The following IMPG1 variants were observed in gnomAD, a reference collection of about 807,000 sequenced individuals.
IMPG1 encodes interphotoreceptor matrix proteoglycan 1.
In IMPG1, 85 loss-of-function variants were observed where a neutral mutation model predicts 92.0. The ratio of observed to expected loss-of-function variants is 0.92; its 90% CI spans 0.78 to 1.11. IMPG1 has a LOEUF of 1.11. IMPG1 is among the 50% of genes least tolerant of loss of function. IMPG1 has a pLI of 0.00. For synonymous variants in IMPG1, 367 were observed against 334.1 expected (o/e 1.10, Z -1.08); for missense variants, 1,022 against 956.0 (o/e 1.07, Z -0.91).
At chr6:75,931,282 C>G in intron 14 of IMPG1, 131 bp from the exon 15 acceptor site, 1 of 749,118 alleles carries the variant, frequency 1.3e-6, no homozygotes, top group Non-Finnish European at 2.2e-6. Flanking sequence ...GTTGTGATAT[C>G]AGACTGGAGG....
chr6:75,947,502 C>A lies in IMPG1; in HGVS notation c.1856G>T (p.Gly619Val), dbSNP rs1781948426. ...GTTAAGTATTTCAAGTTGCTTAAAT[C>A]CTGTAAGATTGGATCGTAGATATGG... is the stretch of plus-strand genomic sequence containing the variant. ...LVPYLRSNLT[G>V]FKQLEILNFR... The change falls in exon 14 of 17, where the codon GGA (glycine) becomes GTA (valine). Residue 619 changes from glycine (G) to valine (V), a missense_variant. Gly to Val is a moderately radical substitution (Grantham distance 109). Transcript: ENST00000369950. 1 of 1,613,534 alleles carries A rather than the reference C, an allele frequency of 6.2e-7. No individual in the cohort carries two copies. Among genetic ancestry groups the A allele is most frequent in the African/African-American group, 1.3e-5 (1 of 74,872 alleles).
chr6:75,944,475 A>G (rs1375809822), intron 14 of IMPG1, among the ~76,000 whole-genome samples: 1 of 152,224 alleles, frequency 6.6e-6, no homozygotes, highest in Non-Finnish European at 1.5e-5. Context: ...AAACACTTTG[A>G]TTGAACCATC....
rs917583179 is a variant in IMPG1, at chr6:76,031,291, A to G, written c.497+3024T>C. 3.3e-5 allele frequency among the ~76,000 whole-genome samples: 5 copies of G among 152,256 alleles called. No individual in the cohort carries two copies. In the South Asian group the frequency reaches 6.2e-4, roughly 19 times the overall value. On this transcript the variant is annotated intron_variant, in intron 4 of 16. Coordinates refer to ENST00000369950, the MANE Select transcript of IMPG1 (RefSeq NM_001563.4). ...TATTTGATCTAATTTTCTGTGGCTC[A>G]TGATGATGGGAAGGCCAAGGGTAAT... is the stretch of plus-strand genomic sequence containing the variant.
intron 1 of IMPG1, among the ~76,000 whole-genome samples, chr6:76,054,349 A>G (rs1342282418): frequency 6.6e-6 from 1 of 152,068 alleles, no homozygotes; most frequent in Non-Finnish European, 1.5e-5. Context: ...AAAATATAGG[A>G]CCAAGTCAAA....
intron 14 of IMPG1, among the ~76,000 whole-genome samples, chr6:75,936,715 A>G (rs1345691499): frequency 6.6e-6 from 1 of 152,198 alleles, no homozygotes; most frequent in Non-Finnish European, 1.5e-5. Flanking sequence ...GCTTTCAGCC[A>G]TTATTATTAT....
intron 4 of IMPG1, among the ~76,000 whole-genome samples, chr6:76,027,676 G>A (rs1314177847): frequency 2.6e-5 from 4 of 152,122 alleles, no homozygotes; most frequent in African/African-American, 9.7e-5. Flanking sequence ...TTCAAAAAAA[G>A]GTATTATATG....
chr6:75,934,978 T>G (rs1196367014), intron 14 of IMPG1: 1 of 471,340 alleles, frequency 2.1e-6, no homozygotes, highest in African/African-American at 2.0e-5. Flanking sequence ...AAGGGCAAGG[T>G]TTCAGCTCAG....
chr6:76,015,777 G>A (rs1783274870), intron 7 of IMPG1, among the ~76,000 whole-genome samples: 1 of 126,082 alleles, frequency 7.9e-6, no homozygotes, highest in Non-Finnish European at 1.6e-5. Context: ...TCCAGCCTGG[G>A]CAACAAGAGT....
chr6:75,931,993 C>G (rs1781676151), intron 14 of IMPG1, among the ~76,000 whole-genome samples: 1 of 152,234 alleles, frequency 6.6e-6, no homozygotes, highest in African/African-American at 2.4e-5. Context: ...CCAGAACAGG[C>G]CTCTTGTCAT....
In IMPG1 at chr6:75,922,074, G is replaced by C; in HGVS notation, c.*15C>G. 6 of 1,109,254 alleles carry C rather than the reference G, an allele frequency of 5.4e-6. No individual in the cohort carries two copies. The highest frequency in any genetic ancestry group is 2.0e-4 in the Middle Eastern group (1 of 5,026). 68.7% of individuals were successfully genotyped at this position (1,109,254 alleles called of 1,614,324 possible). ...TCTTGAGATAGCCTAAATGATAATT[G>C]TACATTTTCAGTTTTTAATTTCCTT... On this transcript the variant is annotated 3_prime_UTR_variant, in exon 17 of 17. Coordinates refer to ENST00000369950, the MANE Select transcript of IMPG1 (RefSeq NM_001563.4).
intron 4 of IMPG1, among the ~76,000 whole-genome samples, chr6:76,027,292 C>T (rs1783559311): frequency 6.6e-6 from 1 of 152,154 alleles, no homozygotes; most frequent in Non-Finnish European, 1.5e-5. Context: ...GTCTTGTTGG[C>T]TTCACAATAG....
At chr6:76,071,662 T>G (rs80258226) in intron 1 of IMPG1, among the ~76,000 whole-genome samples, 7,600 of 152,156 alleles carry the variant, frequency 0.05, 292 homozygotes, top group Admixed American at 0.091. Context: ...TGAAGCTATG[T>G]CATTCTTAAA....
intron 12 of IMPG1, among the ~76,000 whole-genome samples, chr6:75,997,561 G>C (rs985638782): frequency 6.6e-6 from 1 of 152,102 alleles, no homozygotes; most frequent in Non-Finnish European, 1.5e-5. Context: ...CTCTTATTTT[G>C]ATGAAAGTAT....
chr6:76,063,567 C>T (rs1196106420), intron 1 of IMPG1, among the ~76,000 whole-genome samples: 1 of 152,180 alleles, frequency 6.6e-6, no homozygotes, highest in African/African-American at 2.4e-5. Flanking sequence ...GAGGGCATTG[C>T]ACTAGTATAC....
At chr6:75,965,670 C>CG (rs1359747864) in intron 12 of IMPG1, among the ~76,000 whole-genome samples, 18 of 130,886 alleles carry the variant, frequency 1.4e-4, no homozygotes, top group South Asian at 2.4e-4. Context: ...TGCAGTGTGG[C>CG]CGGTCTTGGC....
In IMPG1 at chr6:75,974,363, C is replaced by CT. The variant is rs1194709535; in HGVS notation, c.1292-23270dup. 1.7e-3 allele frequency among the ~76,000 whole-genome samples: 159 copies of CT among 96,252 alleles called. 1 individual carries two copies. The highest frequency in any genetic ancestry group is 5.2e-3 in the African/African-American group (146 of 27,962). 63.1% of individuals were successfully genotyped at this position (96,252 alleles called of 152,430 possible). A position where few individuals can be genotyped will look rare whatever the true frequency, so the allele number is the denominator to read the frequency against. ...TCTTTCTTTCTTTCTTTCTTTCTTT[C>CT]TTTCTTTCTTTCTTTCTTTCTTTCT... On this transcript the variant is annotated intron_variant, in intron 12 of 16. Coordinates refer to ENST00000369950, the MANE Select transcript of IMPG1 (RefSeq NM_001563.4).
chr6:76,002,914 TTACCAG>T lies in IMPG1; in HGVS notation c.1289_1291+3del. ...TAACATAGACTTTGTGAGGGGAAAC[TTACCAG>T]GTAGACCATGCTCTGCTCCGTCCAC... On this transcript the variant is annotated splice_donor_variant and splice_donor_region_variant and coding_sequence_variant and intron_variant, in exon 12 of 17. Transcript: ENST00000369950. LOFTEE classifies it high-confidence loss of function. 2 of 1,610,384 alleles carry T rather than the reference TTACCAG, an allele frequency of 1.2e-6. No homozygotes were observed. The highest frequency in any genetic ancestry group is 1.7e-6 in the Non-Finnish European group (2 of 1,176,710).
At position 75,947,436 on chromosome 6, in the gene IMPG1, A is replaced by T; in HGVS notation, c.1922T>A (p.Phe641Tyr). 6.2e-7 allele frequency: 1 copy of T among 1,613,920 alleles called. No individual in the cohort carries two copies. Among genetic ancestry groups the T allele is most frequent in the Admixed American group, 1.7e-5 (1 of 59,982 alleles). The change falls in exon 14 of 17, where the codon TTT becomes TAT. Residue 641 changes from phenylalanine to tyrosine, a missense_variant. Transcript: ENST00000369950. The stretch of plus-strand genomic sequence containing the variant: ...GAGGTTATACGGCACTGACTTAGCA[A>T]ACTTCATTTTGCTATTCACAATCAC... ...GSVIVNSKMKFAKSVPYNLTK... is the reference protein window; with the variant it reads ...GSVIVNSKMKYAKSVPYNLTK...
chr6:76,003,805 G>T, intron 11 of IMPG1, 69 bp downstream of exon 11: 1 of 1,149,586 alleles, frequency 8.7e-7, no homozygotes, highest in South Asian at 1.3e-5. Context: ...TTCTTAAGCT[G>T]ATTTGTTCTT....
Sources: gnomAD v4.1 joint callset for allele counts (sites outside exome capture counted in the v4.1 genomes callset) on GRCh38, gnomAD v4.1.1 for gene constraint, MANE v1.5 for transcripts, NCBI Gene and HGNC (gene_info 2026-07-23, HGNC 2026-07-21) for gene names.